KCTD10: variants seen among roughly 807,000 people sequenced by gnomAD.
KCTD10 encodes potassium channel tetramerization domain containing 10.
A neutral mutation model predicts 34.6 loss-of-function variants in KCTD10; 13 were observed. The observed-to-expected ratio is 0.38, with a 90% CI of 0.24 to 0.60. KCTD10 has a LOEUF of 0.60. Among genes scored for constraint, KCTD10 ranks in the 20% least tolerant of loss-of-function variants. The probability of loss-of-function intolerance (pLI) is 0.66; values close to 1 mark genes in which losing one functional copy is unlikely to be tolerated. For missense variants in KCTD10, 256 were observed against 420.3 expected, an observed-to-expected ratio of 0.61 and a Z score of 3.42; for synonymous variants, 156 against 168.8, an observed-to-expected ratio of 0.92 and a Z score of 0.59.
chr12:109,464,963 G>A, intron 2 of KCTD10: 1 of 414,846 alleles, frequency 2.4e-6, no homozygotes, highest in Non-Finnish European at 4.8e-6. Flanking sequence ...CCCAACAGTG[G>A]GTAAGATCTT....
At chr12:109,454,768 C>T (rs1290189475) in intron 6 of KCTD10, among the ~76,000 whole-genome samples, 3 of 152,194 alleles carry the variant, frequency 2.0e-5, no homozygotes, top group Non-Finnish European at 4.4e-5. Context: ...GCTTCCCATC[C>T]TGGCTCTGCC....
chr12:109,461,206 T>C (rs1873308480), intron 2 of KCTD10, among the ~76,000 whole-genome samples: 1 of 152,218 alleles, frequency 6.6e-6, no homozygotes, highest in South Asian at 2.1e-4. Context: ...AAAAAATATC[T>C]ACTTCCTCTT....
intron 1 of KCTD10, among the ~76,000 whole-genome samples, chr12:109,475,672 T>G (rs180761449): frequency 2.0e-5 from 3 of 152,114 alleles, no homozygotes; most frequent in African/African-American, 7.2e-5. Context: ...TATCTAAGAG[T>G]TGCCAGGGAT....
chr12:109,461,702 A>C (rs886948383), intron 2 of KCTD10, among the ~76,000 whole-genome samples: 25 of 152,186 alleles, frequency 1.6e-4, no homozygotes, highest in African/African-American at 5.5e-4. Flanking sequence ...ACCAAAAAGG[A>C]AGGCAGGAAT....
intron 2 of KCTD10, among the ~76,000 whole-genome samples, chr12:109,467,753 G>A (rs1031538814): frequency 7.2e-5 from 11 of 152,042 alleles, no homozygotes; most frequent in African/African-American, 2.2e-4. Context: ...TGTGTCCCCC[G>A]AGAACCTGTG....
intron 1 of KCTD10, among the ~76,000 whole-genome samples, chr12:109,474,910 T>C (rs1211162354): frequency 1.3e-5 from 2 of 152,148 alleles, no homozygotes. Flanking sequence ...TGTGCCTGTG[T>C]GTGTGTTAAG....
intron 2 of KCTD10, among the ~76,000 whole-genome samples, chr12:109,464,069 T>C (rs1873479668): frequency 6.6e-6 from 1 of 152,146 alleles, no homozygotes; most frequent in Non-Finnish European, 1.5e-5. Context: ...TACCATGTGC[T>C]TCCTCTCTCC....
intron 2 of KCTD10, among the ~76,000 whole-genome samples, chr12:109,463,393 A>G (rs1873434164): frequency 6.6e-6 from 1 of 152,232 alleles, no homozygotes. Flanking sequence ...GGTTTCAATC[A>G]GCGTTTTGAC....
intron 1 of KCTD10, among the ~76,000 whole-genome samples, chr12:109,474,977 G>A (rs920858460): frequency 2.0e-5 from 3 of 152,244 alleles, no homozygotes; most frequent in Middle Eastern, 3.4e-3. Flanking sequence ...CATTTCCTTC[G>A]TGAAATTCAA....
intron 6 of KCTD10, among the ~76,000 whole-genome samples, chr12:109,452,808 A>C (rs1042860582): frequency 5.7e-4 from 85 of 149,728 alleles, no homozygotes; most frequent in Admixed American, 1.9e-3. Context: ...AGAGTCTAAC[A>C]GGCAGAGAGG....
intron 3 of KCTD10, among the ~76,000 whole-genome samples, chr12:109,459,790 GA>G (rs1453917620): frequency 2.0e-5 from 3 of 152,220 alleles, no homozygotes; most frequent in Admixed American, 1.3e-4. Flanking sequence ...AATGTGAACA[GA>G]AAAAACTGCT....
At chr12:109,475,562 A>G (rs1874139676) in intron 1 of KCTD10, among the ~76,000 whole-genome samples, 1 of 152,124 alleles carries the variant, frequency 6.6e-6, no homozygotes, top group African/African-American at 2.4e-5. Context: ...AGAGATGCGG[A>G]GGGGTGGCTG....
chr12:109,457,712 GA>G, intron 4 of KCTD10, 30 bp from the exon 5 acceptor site: 1 of 1,610,014 alleles, frequency 6.2e-7, no homozygotes. Flanking sequence ...AAGAAGAAGA[GA>G]GTTACTTGGC....
chr12:109,453,243 G>A (rs1458394372), intron 6 of KCTD10, among the ~76,000 whole-genome samples: 1 of 152,138 alleles, frequency 6.6e-6, no homozygotes, highest in Non-Finnish European at 1.5e-5. Flanking sequence ...TTGTAGAGAT[G>A]AGTGTGTTGC....
Position 109,460,699 on chromosome 12 carries a change from C to T in KCTD10, c.324G>A (p.Leu108=), listed in dbSNP as rs553914611. ...CTAGGTAGTACTTGGCTTCTGCTAG[C>T]AGCTCCTCGATCTCCCGGCGGCTCT... The part of the protein sequence containing the change: ...LPESRREIEE[L]LAEAKYYLVQ... Residue 108 remains leucine, a synonymous_variant, in exon 3 of 7, where the codon CTG becomes CTA. Transcript: ENST00000228495. The surrounding 1 kb of genome is among the most constrained non-coding windows in gnomAD (Gnocchi z 4.5). The T allele has an allele frequency of 2.5e-6, 4 of 1,614,144 alleles. No individual in the cohort carries two copies. The African/African-American group carries it at 5.3e-5, about 22-fold the overall frequency.
At chr12:109,458,265 T>C (rs1873132333) in intron 3 of KCTD10, 187 bp from the exon 4 acceptor site, 1 of 585,036 alleles carries the variant, frequency 1.7e-6, no homozygotes, top group African/African-American at 1.9e-5. Context: ...AAGTCTGCTC[T>C]TTGGCTATGA....
At chr12:109,470,430 T>C (rs1392124219) in intron 1 of KCTD10, 7 of 985,564 alleles carry the variant, frequency 7.1e-6, no homozygotes, top group East Asian at 1.1e-4. Context: ...CCTGATAGCA[T>C]GGCTGACTCT....
At chr12:109,474,019 G>A (rs1415407632) in intron 1 of KCTD10, among the ~76,000 whole-genome samples, 2 of 152,056 alleles carry the variant, frequency 1.3e-5, no homozygotes, top group Non-Finnish European at 1.5e-5. Flanking sequence ...GACCTCAGGT[G>A]ATCCTTCTGC....
In KCTD10 at chr12:109,448,901, T is replaced by G. The variant is rs1033603231; in HGVS notation, c.*2694A>C. 6.6e-6 allele frequency: 1 copy of G among 152,166 alleles called. No individual in the cohort carries two copies. The highest frequency in any genetic ancestry group is 2.1e-4 in the South Asian group (1 of 4,830). The allele number at this position is 152,166 out of a possible 1,614,324, so 9.4% of individuals were successfully genotyped here. On this transcript the variant is annotated 3_prime_UTR_variant, in exon 7 of 7. Transcript: ENST00000228495. ...ACAGAGACACACTTTAACTGGGGAA[T>G]GGGGTCCCCACACAGTGATCGCCCC...
Sources: gnomAD v4.1 joint callset for allele counts (sites outside exome capture counted in the v4.1 genomes callset) on GRCh38, gnomAD v4.1.1 for gene constraint, Gnocchi (gnomAD v3.1) non-coding constraint, MANE v1.5 for transcripts, NCBI Gene and HGNC (gene_info 2026-07-23, HGNC 2026-07-21) for gene names.